FNIP1: variants seen among roughly 807,000 people sequenced by gnomAD.
The protein encoded by FNIP1 is folliculin interacting protein 1, also known as folliculin-interacting protein 1.
FNIP1 carries 40 observed loss-of-function variants against 124.5 expected under a neutral mutation model. That is an observed-to-expected ratio of 0.32 (90% CI 0.25 to 0.42). The LOEUF (loss-of-function observed/expected upper bound fraction) is 0.42. Among genes scored for constraint, FNIP1 ranks in the 10% least tolerant of loss-of-function variants. The pLI, the probability that FNIP1 is intolerant of heterozygous loss-of-function variation, is 1.00. For missense variants in FNIP1, 1,176 were observed against 1,403.7 expected (o/e 0.84, Z 2.59); for synonymous variants, 472 against 470.6 (o/e 1.00, Z -0.04).
chr5:131,671,687 C>G lies in FNIP1; in HGVS notation c.2757G>C (p.Glu919Asp), dbSNP rs199579426. 1.2e-6 allele frequency: 2 copies of G among 1,614,162 alleles called. No individual in the cohort carries two copies. The highest frequency in any genetic ancestry group is 8.5e-7 in the Non-Finnish European group (1 of 1,180,032). ...CTACAGCAATTTTTTTATCTGAACT[C>G]TCTTTATCCCCATGGGGGACAAGAA... is the stretch of plus-strand genomic sequence containing the variant. ...LSILVPHGDK[E>D]SSDKKIAVGT... is the part of the protein sequence containing the mutation. Residue 919 changes from glutamate (E) to aspartate (D), a missense_variant, in exon 14 of 18, where the codon GAG becomes GAC. Physicochemically the swap from Glu to Asp is conservative, Grantham distance 45. Coordinates refer to ENST00000510461, the MANE Select transcript of FNIP1 (RefSeq NM_133372.3).
At chr5:131,646,531 G>A (rs1766886710) in intron 17 of FNIP1, among the ~76,000 whole-genome samples, 1 of 152,110 alleles carries the variant, frequency 6.6e-6, no homozygotes, top group Admixed American at 6.6e-5. Flanking sequence ...CACCTAAAGT[G>A]GCCAGAGAAC....
chr5:131,712,511 C>G (rs1015672803), intron 6 of FNIP1, among the ~76,000 whole-genome samples: 5 of 152,070 alleles, frequency 3.3e-5, no homozygotes, highest in African/African-American at 1.2e-4. Flanking sequence ...GAAAATATCA[C>G]AAAAGACTGA....
At chr5:131,665,792 T>C (rs1379215033) in intron 15 of FNIP1, among the ~76,000 whole-genome samples, 3 of 151,938 alleles carry the variant, frequency 2.0e-5, no homozygotes, top group Admixed American at 2.0e-4. Flanking sequence ...GGTTTCACTA[T>C]GTTGGCCAGA....
chr5:131,649,823 A>G (rs1475159222), intron 16 of FNIP1, among the ~76,000 whole-genome samples: 1 of 152,134 alleles, frequency 6.6e-6, no homozygotes, highest in Non-Finnish European at 1.5e-5. Context: ...TGTACGTGGC[A>G]TAATTCTTTT....
rs568724862 is a variant in FNIP1 at position 131,783,000 on chromosome 5, A to G, written c.92+13830T>C. 2.8e-3 allele frequency among the ~76,000 whole-genome samples: 432 copies of G among 152,360 alleles called. 1 individual carries two copies. Among genetic ancestry groups the G allele is most frequent in the South Asian group, 0.012 (60 of 4,830 alleles). The stretch of plus-strand genomic sequence containing the variant: ...ATTTCTAGATTAAAGTTAGGTACAC[A>G]TTGTTTTTTAAGACATAATGCTACT... On this transcript the variant is annotated intron_variant, in intron 1 of 17. Transcript: ENST00000510461.
rs575391783 is a variant in FNIP1 at position 131,667,883 on chromosome 5, G to A, written c.3108+2580C>T. Among the ~76,000 whole-genome samples, 6 of 152,166 alleles carry A rather than the reference G, an allele frequency of 3.9e-5. No homozygotes were observed. In the South Asian group the frequency reaches 1.2e-3, roughly 32 times the overall value. ...GATTATAGGCGTGAGCCACCATTCCGGGCCTCTCTATTTCTTTATTAACTT... is the reference window on the plus strand; with the variant it reads ...GATTATAGGCGTGAGCCACCATTCCAGGCCTCTCTATTTCTTTATTAACTT... On this transcript the variant is annotated intron_variant, in intron 15 of 17. Coordinates refer to ENST00000510461, the MANE Select transcript of FNIP1 (RefSeq NM_133372.3).
intron 11 of FNIP1, among the ~76,000 whole-genome samples, chr5:131,683,405 T>C (rs79332018): frequency 1.3e-5 from 2 of 151,460 alleles, no homozygotes; most frequent in African/African-American, 4.9e-5. Context: ...AAAAAAAAAT[T>C]AGCCAGGCGT....
At chr5:131,686,857 G>C (rs941375992) in intron 11 of FNIP1, among the ~76,000 whole-genome samples, 1 of 150,942 alleles carries the variant, frequency 6.6e-6, no homozygotes, top group Admixed American at 6.6e-5. Flanking sequence ...GCGCCACCAA[G>C]CTTGGCCCCT....
At chr5:131,735,599 T>C (rs1770270687) in intron 2 of FNIP1, among the ~76,000 whole-genome samples, 2 of 148,944 alleles carry the variant, frequency 1.3e-5, no homozygotes, top group South Asian at 2.1e-4. Flanking sequence ...TATTTATATA[T>C]GTATACATAT....
At chr5:131,729,381 C>T (rs925315960) in intron 3 of FNIP1, among the ~76,000 whole-genome samples, 1 of 152,186 alleles carries the variant, frequency 6.6e-6, no homozygotes, top group Non-Finnish European at 1.5e-5. Context: ...AGATGCCCTG[C>T]CCAGAGAGGA....
intron 3 of FNIP1, among the ~76,000 whole-genome samples, chr5:131,728,269 TG>T (rs1769956520): frequency 2.0e-5 from 3 of 152,198 alleles, no homozygotes; most frequent in African/African-American, 7.2e-5. Flanking sequence ...TCCTTAAGAG[TG>T]TTTTCCAACT....
intron 15 of FNIP1, among the ~76,000 whole-genome samples, chr5:131,661,218 TTTTGTGTG>T (rs1229084090): frequency 3.7e-4 from 4 of 10,950 alleles, no homozygotes; most frequent in Non-Finnish European, 6.7e-4. Context: ...CTTGTCTTTG[TTTTGTGTG>T]TGTGTGTGTG....
At position 131,716,618 on chromosome 5, in the gene FNIP1, T is replaced by C. The variant is rs149199889; in HGVS notation, c.569A>G (p.Asn190Ser). 318 of 1,606,348 alleles carry C rather than the reference T, an allele frequency of 2.0e-4. No homozygotes were observed. Among genetic ancestry groups the C allele is most frequent in the Middle Eastern group, 1.3e-3 (8 of 6,036 alleles). The change falls in exon 6 of 18, where the codon AAT becomes AGT. Residue 190 changes from asparagine to serine, a missense_variant. Transcript: ENST00000510461. Reference protein sequence around the residue: ...DSLEFINQDNNTLKADNNTVI... With the variant: ...DSLEFINQDNSTLKADNNTVI... The stretch of plus-strand genomic sequence containing the variant: ...TGTGTTATTATCAGCCTTTAATGTA[T>C]TGTTGTCCTGATTGATGAATTCAAG...
At chr5:131,777,651 T>C (rs1357305858) in intron 1 of FNIP1, among the ~76,000 whole-genome samples, 1 of 152,252 alleles carries the variant, frequency 6.6e-6, no homozygotes, top group Non-Finnish European at 1.5e-5. Flanking sequence ...AATCATTATT[T>C]TGAAAACTGG....
chr5:131,699,082 TCA>T, intron 10 of FNIP1, 80 bp from the exon 11 acceptor site: 2 of 1,075,722 alleles, frequency 1.9e-6, no homozygotes, highest in Non-Finnish European at 2.7e-6. Context: ...TTAGACAGAG[TCA>T]CATATTTACA....
At chr5:131,742,223 T>C (rs1770534984) in intron 2 of FNIP1, among the ~76,000 whole-genome samples, 2 of 152,170 alleles carry the variant, frequency 1.3e-5, no homozygotes, top group South Asian at 2.1e-4. Flanking sequence ...CAGCACTTTA[T>C]GAGGCCAAAG....
rs1358717480 is a variant in FNIP1 at position 131,796,936 on chromosome 5, G to C, written c.-15C>G. The C allele has an allele frequency of 6.3e-7, 1 of 1,588,430 alleles. No homozygotes were observed. On this transcript the variant is annotated 5_prime_UTR_variant, in exon 1 of 18. Transcript: ENST00000510461. Reference sequence around the variant, plus strand: ...GTAGGGGCCATGCTAGCCACGGCCAGGCAGGGGTCGCTCCGCTGGGCGCTT... The same window carrying C: ...GTAGGGGCCATGCTAGCCACGGCCACGCAGGGGTCGCTCCGCTGGGCGCTT...
At chr5:131,786,845 G>C (rs988002211) in intron 1 of FNIP1, among the ~76,000 whole-genome samples, 1 of 152,156 alleles carries the variant, frequency 6.6e-6, no homozygotes, top group Admixed American at 6.5e-5. Context: ...CCAGAACTAT[G>C]AGCCTTATAA....
rs573786961 is a variant in FNIP1, at chr5:131,768,552, G to C, written c.93-23862C>G. Among the ~76,000 whole-genome samples the C allele has an allele frequency of 2.0e-5, 3 of 151,966 alleles. No homozygotes were observed. The East Asian group carries it at 5.8e-4, about 29-fold the overall frequency. On this transcript the variant is annotated intron_variant, in intron 1 of 17. Coordinates refer to ENST00000510461, the MANE Select transcript of FNIP1 (RefSeq NM_133372.3). Reference sequence around the variant, plus strand: ...CAGGCCAGCATGGTGGCTCATGCCTGTAATCCCAGCACTTTGGGAGGCTGA... The same window carrying C: ...CAGGCCAGCATGGTGGCTCATGCCTCTAATCCCAGCACTTTGGGAGGCTGA...
Sources: allele counts gnomAD v4.1 joint callset (sites outside exome capture counted in the v4.1 genomes callset), GRCh38; gene constraint gnomAD v4.1.1; transcripts MANE v1.5; gene names NCBI Gene and HGNC (gene_info 2026-07-23, HGNC 2026-07-21).